The following FANCL variants were observed in gnomAD, a reference collection of about 807,000 sequenced individuals.
FANCL encodes the protein E3 ubiquitin-protein ligase FANCL.
In FANCL, 69 loss-of-function variants were observed where a neutral mutation model predicts 59.4. That is an observed-to-expected ratio of 1.16 (90% CI 0.96 to 1.42). The LOEUF (loss-of-function observed/expected upper bound fraction) is 1.42. Among genes scored for constraint, FANCL ranks in the 40% most tolerant of loss-of-function variants. The pLI, the probability that FANCL is intolerant of heterozygous loss-of-function variation, is 0.00. For synonymous variants in FANCL, 180 were observed against 147.1 expected, an observed-to-expected ratio of 1.22 and a Z score of -1.62; for missense variants, 519 against 447.2, an observed-to-expected ratio of 1.16 and a Z score of -1.45.
chr2:58,178,412 C>G (rs930523524), intron 7 of FANCL, among the ~76,000 whole-genome samples: 14 of 152,116 alleles, frequency 9.2e-5, no homozygotes, highest in Non-Finnish European at 1.9e-4. Context: ...CCCTAGGATT[C>G]AAGGCTGGTT....
chr2:58,219,182 A>ATT (rs1692215639), intron 5 of FANCL, among the ~76,000 whole-genome samples: 1 of 107,988 alleles, frequency 9.3e-6, no homozygotes, highest in Non-Finnish European at 1.7e-5. Context: ...ATATATATAT[A>ATT]TATATATATA....
chr2:58,171,715 T>A (rs544174163), intron 7 of FANCL, among the ~76,000 whole-genome samples: 8 of 152,258 alleles, frequency 5.3e-5, no homozygotes, highest in African/African-American at 1.9e-4. Context: ...CCATCTGAGG[T>A]ACCGGGTTCA....
rs70954881 is a variant in FANCL, at chr2:58,219,140, T to TAA, written c.374+2800_374+2801dup. Among the ~76,000 whole-genome samples the TAA allele has an allele frequency of 2.6e-3, 43 of 16,604 alleles. 11 individuals are homozygous for TAA. Among genetic ancestry groups the TAA allele is most frequent in the Admixed American group, 0.012 (9 of 756 alleles). The allele number at this position is 16,604 out of a possible 152,430, so 10.9% of individuals were successfully genotyped here. A position where few individuals can be genotyped will look rare whatever the true frequency, so the allele number is the denominator to read the frequency against. On this transcript the variant is annotated intron_variant, in intron 5 of 13. Coordinates refer to ENST00000233741, the MANE Select transcript of FANCL (RefSeq NM_018062.4). ...TCAGTGCCAGAAAGTAAATACATGCTAAAAAAAAAAAAAAAAAAAAAAAAA... is the reference window on the plus strand; with the variant it reads ...TCAGTGCCAGAAAGTAAATACATGCTAAAAAAAAAAAAAAAAAAAAAAAAAAA...
intron 4 of FANCL, among the ~76,000 whole-genome samples, chr2:58,222,485 TAACA>T (rs1362748285): frequency 1.3e-5 from 2 of 152,098 alleles, no homozygotes; most frequent in East Asian, 1.9e-4. Context: ...AACCACATCC[TAACA>T]AACAAACTCA....
chr2:58,220,364 C>A (rs1018936827), intron 5 of FANCL, among the ~76,000 whole-genome samples: 1 of 152,040 alleles, frequency 6.6e-6, no homozygotes, highest in Non-Finnish European at 1.5e-5. Flanking sequence ...GTATGGCCCA[C>A]TCAGTCAAAT....
chr2:58,203,013 G>A (rs1364702485), intron 6 of FANCL, among the ~76,000 whole-genome samples: 62 of 140,880 alleles, frequency 4.4e-4, no homozygotes, highest in African/African-American at 1.6e-3. Flanking sequence ...GAAGGATAAA[G>A]GCAAATTTCT....
chr2:58,164,662 G>T (rs1685699709), intron 8 of FANCL, among the ~76,000 whole-genome samples: 1 of 151,976 alleles, frequency 6.6e-6, no homozygotes, highest in Non-Finnish European at 1.5e-5. Flanking sequence ...GAGAAATATA[G>T]TAAGTATATT....
intron 5 of FANCL, among the ~76,000 whole-genome samples, chr2:58,219,900 C>T (rs911824927): frequency 6.6e-6 from 1 of 152,234 alleles, no homozygotes; most frequent in South Asian, 2.1e-4. Context: ...TATTATCATA[C>T]AATGGAAGAC....
intron 5 of FANCL, among the ~76,000 whole-genome samples, chr2:58,208,278 C>T (rs1690790749): frequency 6.6e-6 from 1 of 152,006 alleles, no homozygotes; most frequent in Admixed American, 6.6e-5. Context: ...TATCACTAAG[C>T]TAAGCATATT....
At chr2:58,201,845 A>G (rs1193787458) in intron 6 of FANCL, among the ~76,000 whole-genome samples, 2 of 151,850 alleles carry the variant, frequency 1.3e-5, no homozygotes, top group Non-Finnish European at 2.9e-5. Context: ...TAGAATTGGG[A>G]AAGTATGTAT....
intron 8 of FANCL, among the ~76,000 whole-genome samples, chr2:58,164,177 G>GT (rs1306558217): frequency 1.3e-5 from 2 of 151,946 alleles, no homozygotes; most frequent in East Asian, 1.9e-4. Context: ...GGACTACAGC[G>GT]TAAGTTTCAG....
chr2:58,192,678 C>T (rs1344812337), intron 7 of FANCL, among the ~76,000 whole-genome samples: 1 of 151,706 alleles, frequency 6.6e-6, no homozygotes, highest in African/African-American at 2.4e-5. Flanking sequence ...GTGGAGAAAA[C>T]AACAAACTCC....
At chr2:58,239,819 A>T (rs1694348841) in intron 1 of FANCL, among the ~76,000 whole-genome samples, 1 of 152,206 alleles carries the variant, frequency 6.6e-6, no homozygotes, top group African/African-American at 2.4e-5. Flanking sequence ...AGAAAATGTA[A>T]ACTGGTGAAT....
intron 1 of FANCL, among the ~76,000 whole-genome samples, chr2:58,238,166 AT>A (rs547640236): frequency 3.3e-5 from 5 of 151,440 alleles, no homozygotes; most frequent in Non-Finnish European, 5.9e-5. Flanking sequence ...ATTTTTTGTG[AT>A]TTTTTTTTAG....
chr2:58,198,028 G>GGT (rs113480493), intron 7 of FANCL, among the ~76,000 whole-genome samples: 9,017 of 150,406 alleles, frequency 0.06, 349 homozygotes, highest in African/African-American at 0.11. Context: ...CAGGCTGGAT[G>GGT]GTGTGTGTGT....
rs1265251470 is a variant in FANCL, at chr2:58,163,081, A to AT, written c.776-8dup. 1.9e-6 allele frequency: 3 copies of AT among 1,606,474 alleles called. No homozygotes were observed. Among genetic ancestry groups the AT allele is most frequent in the African/African-American group, 1.4e-5 (1 of 73,110 alleles). ...ATTCCCAGGGGTTTTACCACTTCAG[A>AT]TTAAAAAAAAAAAATTTAATAATTG... is the stretch of plus-strand genomic sequence containing the variant. On this transcript the variant is annotated splice_polypyrimidine_tract_variant and splice_region_variant and intron_variant, in intron 9 of 13. Transcript: ENST00000233741.
intron 5 of FANCL, among the ~76,000 whole-genome samples, chr2:58,205,824 T>C (rs1174723905): frequency 6.6e-6 from 1 of 152,034 alleles, no homozygotes; most frequent in African/African-American, 2.4e-5. Context: ...ATTATGGGAA[T>C]TTTTAAGTGC....
intron 4 of FANCL, among the ~76,000 whole-genome samples, chr2:58,225,816 C>T (rs1692943448): frequency 6.6e-6 from 1 of 152,048 alleles, no homozygotes; most frequent in South Asian, 2.1e-4. Flanking sequence ...AAATACATGG[C>T]ATGAATAAAA....
At position 58,241,306 on chromosome 2, in the gene FANCL, A is replaced by G; in HGVS notation, c.8T>C (p.Val3Ala). Residue 3 changes from valine (V) to alanine (A), a missense_variant, in exon 1 of 14, where the codon GTG becomes GCG. Val to Ala is a moderately conservative substitution (Grantham distance 64). Coordinates refer to ENST00000233741, the MANE Select transcript of FANCL (RefSeq NM_018062.4). ...CTGGCGCAACAGGCTCGCTTCCGTCACCGCCATGGCTCGAAGTCCGGAGAA... is the reference window on the plus strand; with the variant it reads ...CTGGCGCAACAGGCTCGCTTCCGTCGCCGCCATGGCTCGAAGTCCGGAGAA... MA[V>A]TEASLLRQCP... The G allele has an allele frequency of 1.2e-6, 2 of 1,614,142 alleles. No individual in the cohort carries two copies. The highest frequency in any genetic ancestry group is 1.7e-6 in the Non-Finnish European group (2 of 1,180,006).
Sources: allele counts gnomAD v4.1 joint callset (sites outside exome capture counted in the v4.1 genomes callset), GRCh38; gene constraint gnomAD v4.1.1; transcripts MANE v1.5; gene names NCBI Gene and HGNC (gene_info 2026-07-23, HGNC 2026-07-21).